The following TUSC3 variants were observed in gnomAD, a reference collection of about 807,000 sequenced individuals.
TUSC3 encodes tumor suppressor candidate 3, also known as dolichyl-diphosphooligosaccharide--protein glycosyltransferase subunit TUSC3.
In TUSC3, 45 loss-of-function variants were observed where a neutral mutation model predicts 44.8. The ratio of observed to expected loss-of-function variants is 1.00; its 90% CI spans 0.79 to 1.29. The LOEUF is 1.29. Among genes scored for constraint, TUSC3 ranks in the 50% most tolerant of loss-of-function variants. The pLI, the probability that TUSC3 is intolerant of heterozygous loss-of-function variation, is 0.00. For missense variants in TUSC3, 519 were observed against 437.9 expected (o/e 1.19, Z -1.65); for synonymous variants, 212 against 152.9 (o/e 1.39, Z -2.85).
At chr8:15,664,813 G>A (rs1312161066) in intron 5 of TUSC3, among the ~76,000 whole-genome samples, 2 of 149,412 alleles carry the variant, frequency 1.3e-5, no homozygotes, top group African/African-American at 4.9e-5. Context: ...TACATTATAT[G>A]TTTTATGTAA....
At chr8:15,756,758 C>A (rs770790803) in intron 9 of TUSC3, among the ~76,000 whole-genome samples, 38 of 152,152 alleles carry the variant, frequency 2.5e-4, no homozygotes, top group Non-Finnish European at 5.0e-4. Context: ...GCAGTCCATA[C>A]CAAATGACAC....
the TUSC3 span, among the ~76,000 whole-genome samples, chr8:15,820,354 C>T: frequency 7.0e-6 from 1 of 143,060 alleles, no homozygotes; most frequent in Admixed American, 7.2e-5. Flanking sequence ...GCTCTGTCGC[C>T]AAGCTGGAGT....
At chr8:15,496,893 A>C (rs1585065968) in intron 2 of TUSC3, among the ~76,000 whole-genome samples, 2 of 146,112 alleles carry the variant, frequency 1.4e-5, no homozygotes, top group Admixed American at 1.4e-4. Flanking sequence ...ATTTAGGAAA[A>C]ATAAAAAGAT....
At chr8:15,779,246 A>C in the TUSC3 span, among the ~76,000 whole-genome samples, 18 of 152,110 alleles carry the variant, frequency 1.2e-4, 1 homozygote, top group African/African-American at 4.1e-4. Context: ...TTGGATAGAA[A>C]CTATATGATT....
At chr8:15,779,015 G>T in the TUSC3 span, among the ~76,000 whole-genome samples, 5 of 151,834 alleles carry the variant, frequency 3.3e-5, no homozygotes, top group African/African-American at 1.2e-4. Flanking sequence ...TCAGCACTAG[G>T]ACTGGAGTTG....
intron 1 of TUSC3, among the ~76,000 whole-genome samples, chr8:15,436,989 G>A (rs555922801): frequency 6.6e-6 from 1 of 152,052 alleles, no homozygotes; most frequent in African/African-American, 2.4e-5. Flanking sequence ...TACACAACTG[G>A]CTATTTAAAA....
intron 1 of TUSC3, among the ~76,000 whole-genome samples, chr8:15,435,805 G>C (rs1194981487): frequency 6.6e-6 from 1 of 152,190 alleles, no homozygotes; most frequent in Non-Finnish European, 1.5e-5. Flanking sequence ...TTTCCATATA[G>C]AGTTTAATGA....
At chr8:15,418,094 T>C (rs1198370161) in intron 1 of TUSC3, among the ~76,000 whole-genome samples, 5 of 152,226 alleles carry the variant, frequency 3.3e-5, no homozygotes, top group Admixed American at 3.3e-4. Context: ...TACTATTTTA[T>C]GTCAAGGAAA....
chr8:15,522,243 T>A (rs1007409562), intron 2 of TUSC3, among the ~76,000 whole-genome samples: 8 of 152,016 alleles, frequency 5.3e-5, no homozygotes, highest in African/African-American at 1.9e-4. Flanking sequence ...TTTGTTTTTT[T>A]TTTTTCTTTG....
chr8:15,723,109 T>C (rs893988660), intron 6 of TUSC3, among the ~76,000 whole-genome samples: 3 of 152,172 alleles, frequency 2.0e-5, no homozygotes, highest in Admixed American at 6.6e-5. Flanking sequence ...GAAATTCTTT[T>C]GAGAACCACT....
Position 15,489,804 on chromosome 8 carries a change from A to G in TUSC3, n.189+6321A>G, listed in dbSNP as rs73534290. Among the ~76,000 whole-genome samples the G allele has an allele frequency of 5.4e-3, 822 of 152,274 alleles. 7 individuals are homozygous for G. The highest frequency in any genetic ancestry group is 0.019 in the African/African-American group (787 of 41,566). ...CCATCGTGGCCTAAAATAGTTTTTC[A>G]GGTTTACTTTGGAATCCCCTTGGCC... On this transcript the variant is annotated intron_variant and non_coding_transcript_variant, in intron 2 of 5. Transcript: ENST00000503191.
intron 8 of TUSC3, among the ~76,000 whole-genome samples, chr8:15,748,012 A>G (rs1250896219): frequency 1.3e-5 from 2 of 152,128 alleles, no homozygotes; most frequent in Non-Finnish European, 1.5e-5. Flanking sequence ...GCAAGAGGCA[A>G]TAATCTTGTT....
chr8:15,436,675 G>A (rs941079400), intron 1 of TUSC3, among the ~76,000 whole-genome samples: 12 of 150,540 alleles, frequency 8.0e-5, no homozygotes, highest in African/African-American at 2.7e-4. Context: ...GTAATTACCT[G>A]CAAAAAACCC....
chr8:15,609,604 G>C (rs1275449801), intron 1 of TUSC3, among the ~76,000 whole-genome samples: 1 of 152,104 alleles, frequency 6.6e-6, no homozygotes, highest in Non-Finnish European at 1.5e-5. Context: ...TGACCCATTT[G>C]ATGACTGTCC....
the TUSC3 span, among the ~76,000 whole-genome samples, chr8:15,784,172 A>G: frequency 5.1e-4 from 78 of 152,312 alleles, no homozygotes; most frequent in African/African-American, 1.8e-3. Context: ...TAGATTGCCT[A>G]TGATTTTTAA....
At position 15,692,368 on chromosome 8, in the gene TUSC3, C is replaced by T. The variant is rs376984550; in HGVS notation, c.798+18532C>T. On this transcript the variant is annotated intron_variant, in intron 6 of 10. Transcript: ENST00000503731. ...GAGTTTGGGAGGAGACCCCCCCCCC[C>T]CCCTTTGTTTTTTTTTTTTTTTTTT... Among the ~76,000 whole-genome samples, 60 of 101,488 alleles carry T rather than the reference C, an allele frequency of 5.9e-4. 2 individuals are homozygous for T. Among genetic ancestry groups the T allele is most frequent in the East Asian group, 2.7e-3 (7 of 2,570 alleles). 66.6% of individuals were successfully genotyped at this position (101,488 alleles called of 152,430 possible).
intron 3 of TUSC3, among the ~76,000 whole-genome samples, chr8:15,657,098 C>T (rs953321963): frequency 2.0e-5 from 3 of 152,138 alleles, no homozygotes; most frequent in Non-Finnish European, 4.4e-5. Flanking sequence ...GGGTCTTTCT[C>T]CCATTTTCTT....
Position 15,578,630 on chromosome 8 carries a change from T to C in TUSC3, c.138+38062T>C, listed in dbSNP as rs867404634. On this transcript the variant is annotated intron_variant, in intron 1 of 10. Transcript: ENST00000503731. ...GCTGGATTACATTTATTGATTTGCG[T>C]ATATTGAACCAGCCTTGTGTCCCAG... Among the ~76,000 whole-genome samples, 1,408 of 150,704 alleles carry C rather than the reference T, an allele frequency of 9.3e-3. 10 individuals carry two copies. Among genetic ancestry groups the C allele is most frequent in the Middle Eastern group, 0.028 (8 of 288 alleles).
At chr8:15,500,018 C>G (rs1451888545) in intron 2 of TUSC3, among the ~76,000 whole-genome samples, 1 of 152,164 alleles carries the variant, frequency 6.6e-6, no homozygotes, top group East Asian at 1.9e-4. Context: ...ATTTTATTTT[C>G]TAACCCATCT....
Sources: allele counts gnomAD v4.1 joint callset (sites outside exome capture counted in the v4.1 genomes callset), GRCh38; gene constraint gnomAD v4.1.1; transcripts MANE v1.5; gene names NCBI Gene and HGNC (gene_info 2026-07-23, HGNC 2026-07-21).